The following WDR72 variants were observed in gnomAD, a reference collection of about 807,000 sequenced individuals.
The protein encoded by WDR72 is WD repeat domain 72, also known as WD repeat-containing protein 72.
A neutral mutation model predicts 124.2 loss-of-function variants in WDR72; 120 were observed. The observed-to-expected ratio is 0.97, with a 90% CI of 0.83 to 1.12. WDR72 has a LOEUF of 1.12. Ranked by LOEUF, WDR72 falls within the 50% of genes most tolerant of loss-of-function variation. The pLI is 0.00. For missense variants in WDR72, 1,387 were observed against 1,278.8 expected (o/e 1.08, Z -1.29); for synonymous variants, 452 against 441.7 (o/e 1.02, Z -0.29).
At chr15:53,714,682 T>C (rs777994765) in intron 5 of WDR72, among the ~76,000 whole-genome samples, 172 bp from the exon 6 acceptor site, 9 of 152,178 alleles carry the variant, frequency 5.9e-5, no homozygotes, top group Non-Finnish European at 1.2e-4. Context: ...GCTCCAAATC[T>C]GTTTTAAAAT....
chr15:53,688,295 A>C (rs983127693), intron 13 of WDR72, among the ~76,000 whole-genome samples: 1 of 148,796 alleles, frequency 6.7e-6, no homozygotes, highest in Non-Finnish European at 1.5e-5. Context: ...AGACGACATG[A>C]TTGTATATCT....
intron 18 of WDR72, among the ~76,000 whole-genome samples, chr15:53,565,465 A>G (rs1894262193): frequency 6.6e-6 from 1 of 151,908 alleles, no homozygotes; most frequent in South Asian, 2.1e-4. Flanking sequence ...TGTTAAATGC[A>G]TATGCAACAA....
chr15:53,681,367 A>G (rs1332347955), intron 13 of WDR72, among the ~76,000 whole-genome samples: 2 of 152,196 alleles, frequency 1.3e-5, no homozygotes, highest in Non-Finnish European at 2.9e-5. Flanking sequence ...GTCATATAAA[A>G]TGCTTGAAGA....
intron 14 of WDR72, among the ~76,000 whole-genome samples, chr15:53,639,527 T>TATAAAATTATATATAATTTTATTTATTA (rs2014760981): frequency 6.8e-6 from 1 of 146,470 alleles, no homozygotes; most frequent in Non-Finnish European, 1.5e-5. Context: ...TTTATTTATT[T>TATAAAATTATATATAATTTTATTTATTA]ATAAAATTAT....
intron 14 of WDR72, among the ~76,000 whole-genome samples, chr15:53,655,638 A>G (rs1464552683): frequency 6.6e-6 from 1 of 152,168 alleles, no homozygotes; most frequent in East Asian, 1.9e-4. Flanking sequence ...GTTTTATATA[A>G]CGACAAGAGA....
chr15:53,680,963 T>C (rs2016361061), intron 13 of WDR72, among the ~76,000 whole-genome samples: 1 of 152,204 alleles, frequency 6.6e-6, no homozygotes, highest in Non-Finnish European at 1.5e-5. Context: ...AAATCTGACA[T>C]TCCCTCAGTC....
chr15:53,742,752 AAAC>A (rs1310271185), intron 1 of WDR72, among the ~76,000 whole-genome samples: 2 of 152,204 alleles, frequency 1.3e-5, no homozygotes, highest in Admixed American at 6.5e-5. Flanking sequence ...GTCACAGGAC[AAAC>A]AACAATACTG....
At chr15:53,736,479 G>A (rs552065379) in intron 1 of WDR72, among the ~76,000 whole-genome samples, 1 of 152,330 alleles carries the variant, frequency 6.6e-6, no homozygotes, top group African/African-American at 2.4e-5. Context: ...AGTGTCATGA[G>A]CCTAACAGGG....
intron 13 of WDR72, among the ~76,000 whole-genome samples, chr15:53,695,092 G>A (rs2016962776): frequency 6.6e-6 from 1 of 152,126 alleles, no homozygotes; most frequent in Non-Finnish European, 1.5e-5. Flanking sequence ...AAGTGTTTCT[G>A]ATCCATCTTA....
rs1000142709 is a variant in WDR72, at chr15:53,513,778, T to C, written c.*3921A>G. Reference sequence around the variant, plus strand: ...TATTTTAATACAATATTTATAAAAATTAAATTACTGCAAAAACTCCACAAC... The same window carrying C: ...TATTTTAATACAATATTTATAAAAACTAAATTACTGCAAAAACTCCACAAC... On this transcript the variant is annotated 3_prime_UTR_variant, in exon 20 of 20. Transcript: ENST00000360509. 3 of 152,022 alleles carry C rather than the reference T, an allele frequency of 2.0e-5. No homozygotes were observed. Among genetic ancestry groups the C allele is most frequent in the African/African-American group, 7.2e-5 (3 of 41,400 alleles). The allele number at this position is 152,022 out of a possible 1,614,324, so 9.4% of individuals were successfully genotyped here.
rs73404398 is a variant in WDR72, at chr15:53,525,755, G to T, written c.3149-2433C>A. Reference sequence around the variant, plus strand: ...TGATTTTGGAGGGTGTGACTTGTGTGGGGGAGGGGAAATAAAGATGGTTAT... The same window carrying T: ...TGATTTTGGAGGGTGTGACTTGTGTTGGGGAGGGGAAATAAAGATGGTTAT... On this transcript the variant is annotated intron_variant, in intron 18 of 19. Transcript: ENST00000360509. Among the ~76,000 whole-genome samples, 328 of 152,080 alleles carry T rather than the reference G, an allele frequency of 2.2e-3. 3 individuals are homozygous for T. The highest frequency in any genetic ancestry group is 7.5e-3 in the African/African-American group (310 of 41,508).
At chr15:53,761,671 A>T (rs2019066282), upstream of WDR72, among the ~76,000 whole-genome samples, 1 of 152,112 alleles carries the variant, frequency 6.6e-6, no homozygotes, top group South Asian at 2.1e-4. Flanking sequence ...CACAAAAAAT[A>T]CAAAAATTAG....
chr15:53,730,682 G>A (rs931122335), intron 2 of WDR72, among the ~76,000 whole-genome samples: 10 of 151,968 alleles, frequency 6.6e-5, no homozygotes, highest in African/African-American at 2.2e-4. Flanking sequence ...GCTGCCCTAC[G>A]GTGACTCAGT....
chr15:53,759,824 C>A (rs1006128280), upstream of WDR72, among the ~76,000 whole-genome samples: 20 of 151,468 alleles, frequency 1.3e-4, no homozygotes, highest in African/African-American at 4.1e-4. Flanking sequence ...CTTCCTGCAA[C>A]CTGGACCCGC....
intron 19 of WDR72, among the ~76,000 whole-genome samples, chr15:53,522,587 C>A (rs1376980516): frequency 6.6e-6 from 1 of 151,964 alleles, no homozygotes; most frequent in East Asian, 1.9e-4. Context: ...AACAGAAATC[C>A]TTGTATAAGT....
chr15:53,599,376 A>G (rs2012938420), intron 17 of WDR72, among the ~76,000 whole-genome samples: 3 of 152,166 alleles, frequency 2.0e-5, no homozygotes, highest in Admixed American at 1.3e-4. Flanking sequence ...ACTCAGGATT[A>G]TAAGTGAAAA....
intron 18 of WDR72, among the ~76,000 whole-genome samples, chr15:53,562,017 G>A (rs1023468237): frequency 2.0e-5 from 3 of 151,756 alleles, no homozygotes; most frequent in Admixed American, 6.6e-5. Context: ...CAAGAAACAA[G>A]ATAACATTAA....
At chr15:53,669,609 C>G (rs542738997) in intron 13 of WDR72, among the ~76,000 whole-genome samples, 22 of 152,200 alleles carry the variant, frequency 1.4e-4, no homozygotes, top group Middle Eastern at 3.4e-3. Context: ...TACACTATGA[C>G]AAATCACTTA....
chr15:53,639,356 T>A (rs1164184928), intron 14 of WDR72, among the ~76,000 whole-genome samples: 6 of 151,812 alleles, frequency 4.0e-5, no homozygotes. Context: ...TCTGTCCAGG[T>A]GCGGTTGCTC....
Sources: gnomAD v4.1 joint callset for allele counts (sites outside exome capture counted in the v4.1 genomes callset) on GRCh38, gnomAD v4.1.1 for gene constraint, MANE v1.5 for transcripts, NCBI Gene and HGNC (gene_info 2026-07-23, HGNC 2026-07-21) for gene names.